Variants in RANBP2 observed in about 807,000 individuals in gnomAD.
RANBP2 encodes the protein RAN binding protein 2.
A neutral mutation model predicts 303.6 loss-of-function variants in RANBP2; 57 were observed. That is an observed-to-expected ratio of 0.19 (90% confidence interval 0.15 to 0.23). The LOEUF (loss-of-function observed/expected upper bound fraction) is 0.23. RANBP2 is among the 10% of genes least tolerant of loss of function. RANBP2 has a pLI of 1.00. For missense variants in RANBP2, 3,138 were observed against 3,780.8 expected, an observed-to-expected ratio of 0.83 and a Z score of 4.46; for synonymous variants, 1,167 against 1,301.5, an observed-to-expected ratio of 0.90 and a Z score of 2.23.
At chr2:109,165,287 G>A in the RANBP2 span, among the ~76,000 whole-genome samples, 3 of 152,188 alleles carry the variant, frequency 2.0e-5, no homozygotes, top group Non-Finnish European at 4.4e-5. Flanking sequence ...GTAACTGCTG[G>A]TGCTACTGGC....
At chr2:109,223,095 C>G in the RANBP2 span, among the ~76,000 whole-genome samples, 32 of 152,354 alleles carry the variant, frequency 2.1e-4, no homozygotes, top group African/African-American at 7.5e-4. Flanking sequence ...GCTTCTCCAT[C>G]CCAGACAGGG....
the RANBP2 span, chr2:109,614,511 G>A: frequency 7.9e-7 from 1 of 1,258,776 alleles, no homozygotes; most frequent in Non-Finnish European, 9.9e-7. Flanking sequence ...GGCAGAGTGG[G>A]GCCCCGAGGC....
At chr2:109,529,040 C>A in the RANBP2 span, among the ~76,000 whole-genome samples, 288 of 152,282 alleles carry the variant, frequency 1.9e-3, no homozygotes, top group Non-Finnish European at 3.5e-3. Context: ...GCTGAGTTGG[C>A]GGAGATTTGT....
chr2:108,816,476 T>C, the RANBP2 span, among the ~76,000 whole-genome samples: 1 of 151,860 alleles, frequency 6.6e-6, no homozygotes, highest in Non-Finnish European at 1.5e-5. Context: ...AAAACAAATT[T>C]GAGGGGCTGC....
At chr2:109,488,351 C>G in the RANBP2 span, among the ~76,000 whole-genome samples, 4 of 152,324 alleles carry the variant, frequency 2.6e-5, no homozygotes, top group South Asian at 8.3e-4. Flanking sequence ...TGCCACCTGT[C>G]CCCTGGAGGC....
chr2:108,796,227 T>G, the RANBP2 span, among the ~76,000 whole-genome samples: 4 of 151,474 alleles, frequency 2.6e-5, no homozygotes, highest in African/African-American at 9.7e-5. Context: ...TTTTTTTTTT[T>G]GTATTTTTAG....
At chr2:109,205,556 G>A in the RANBP2 span, among the ~76,000 whole-genome samples, 2 of 152,134 alleles carry the variant, frequency 1.3e-5, no homozygotes, top group East Asian at 3.9e-4. Context: ...CCCAACTTAT[G>A]TGACTCTTTA....
chr2:108,924,219 G>A, the RANBP2 span, among the ~76,000 whole-genome samples: 1 of 152,330 alleles, frequency 6.6e-6, no homozygotes, highest in Non-Finnish European at 1.5e-5. Context: ...ATGTCACAGT[G>A]CCAGCCCCGT....
the RANBP2 span, among the ~76,000 whole-genome samples, chr2:109,694,646 A>G: frequency 6.6e-6 from 1 of 152,064 alleles, no homozygotes; most frequent in Admixed American, 6.6e-5. Flanking sequence ...AAATTTTCAG[A>G]TTTTCCTAAT....
chr2:109,039,131 CTG>C, the RANBP2 span, among the ~76,000 whole-genome samples: 1 of 152,206 alleles, frequency 6.6e-6, no homozygotes, highest in African/African-American at 2.4e-5. Context: ...AAAGCAAAGA[CTG>C]AGATCACTGA....
At chr2:109,682,325 C>T in the RANBP2 span, among the ~76,000 whole-genome samples, 82 of 152,144 alleles carry the variant, frequency 5.4e-4, no homozygotes, top group African/African-American at 1.8e-3. Flanking sequence ...AACTATTGCA[C>T]GAGATGTACT....
chr2:109,449,590 A>T, the RANBP2 span: 664 of 1,412,288 alleles, frequency 4.7e-4, 4 homozygotes, highest in Middle Eastern at 3.3e-3. Flanking sequence ...TGAAGCTAGA[A>T]TGTGGGCTCC....
At chr2:108,867,686 C>T in the RANBP2 span, among the ~76,000 whole-genome samples, 1 of 152,042 alleles carries the variant, frequency 6.6e-6, no homozygotes, top group Non-Finnish European at 1.5e-5. Flanking sequence ...CAAAGACTAC[C>T]TAAGTCTATT....
chr2:109,632,046 G>A, the RANBP2 span, among the ~76,000 whole-genome samples: 3 of 152,086 alleles, frequency 2.0e-5, no homozygotes, highest in Admixed American at 6.6e-5. Flanking sequence ...CACAGGTTCA[G>A]TAGTTTAATC....
the RANBP2 span, among the ~76,000 whole-genome samples, chr2:109,252,173 G>A: frequency 6.6e-6 from 1 of 151,966 alleles, no homozygotes; most frequent in African/African-American, 2.4e-5. Flanking sequence ...GCTTAAGCCT[G>A]GGAGGCAGAG....
chr2:109,665,628 A>C, the RANBP2 span: 1 of 153,060 alleles, frequency 6.5e-6, no homozygotes, highest in Non-Finnish European at 1.5e-5. Context: ...GGCATGAGCC[A>C]CCGCAACTGG....
the RANBP2 span, chr2:108,856,822 T>G: frequency 6.2e-7 from 1 of 1,613,426 alleles, no homozygotes; most frequent in Non-Finnish European, 8.5e-7. Context: ...CATTTGATTC[T>G]CTTTGTTTGG....
chr2:108,864,617 G>A, the RANBP2 span, among the ~76,000 whole-genome samples: 2 of 152,036 alleles, frequency 1.3e-5, no homozygotes, highest in Non-Finnish European at 2.9e-5. Flanking sequence ...CTAACATGGT[G>A]AAACCCTGTC....
chr2:108,773,781 G>A (rs1386391133), intron 23 of RANBP2, among the ~76,000 whole-genome samples: 1 of 151,924 alleles, frequency 6.6e-6, no homozygotes, highest in African/African-American at 2.4e-5. Flanking sequence ...CAAGCAGCTG[G>A]GACTACAGGC....
Sources: allele counts gnomAD v4.1 joint callset (sites outside exome capture counted in the v4.1 genomes callset), GRCh38; gene constraint gnomAD v4.1.1; transcripts MANE v1.5; gene names NCBI Gene and HGNC (gene_info 2026-07-23, HGNC 2026-07-21).